The following SND1 variants were observed in gnomAD, a reference collection of about 807,000 sequenced individuals.
The protein encoded by SND1 is staphylococcal nuclease and tudor domain containing 1, also known as staphylococcal nuclease domain-containing protein 1.
Under a neutral mutation model 121.7 loss-of-function variants are expected in SND1, and 38 were observed. The ratio of observed to expected loss-of-function variants is 0.31; its 90% CI spans 0.24 to 0.41. The LOEUF (loss-of-function observed/expected upper bound fraction) is 0.41, where lower values mean the gene tolerates loss of function less well. Among genes scored for constraint, SND1 ranks in the 10% least tolerant of loss-of-function variants. The probability of loss-of-function intolerance (pLI) is 1.00; values close to 1 mark genes in which losing one functional copy is unlikely to be tolerated. For missense variants in SND1, 868 were observed against 1,184.6 expected, an observed-to-expected ratio of 0.73 and a Z score of 3.92; for synonymous variants, 401 against 447.4, an observed-to-expected ratio of 0.90 and a Z score of 1.31.
intron 1 of SND1, 68 bp from the exon 2 acceptor site, chr7:127,686,545 G>T: frequency 2.0e-6 from 3 of 1,530,016 alleles, no homozygotes; most frequent in Non-Finnish European, 2.7e-6. Context: ...GGATACGGTG[G>T]TACACAACCT....
chr7:127,799,041 T>A (rs904004734), intron 10 of SND1, among the ~76,000 whole-genome samples: 2 of 151,810 alleles, frequency 1.3e-5, no homozygotes, highest in Admixed American at 1.3e-4. Context: ...CGAGACTGTG[T>A]TAAAGAACAA....
chr7:127,974,615 C>T (rs182249097), intron 15 of SND1, among the ~76,000 whole-genome samples: 146 of 152,264 alleles, frequency 9.6e-4, no homozygotes, highest in African/African-American at 3.3e-3. Flanking sequence ...TAGGAGAATT[C>T]CCCTTCCAAA....
At chr7:127,978,563 G>T (rs537058947) in intron 15 of SND1, among the ~76,000 whole-genome samples, 29 of 152,182 alleles carry the variant, frequency 1.9e-4, no homozygotes, top group Non-Finnish European at 3.2e-4. Flanking sequence ...GACATTCATA[G>T]AACAGGGCTC....
chr7:127,919,853 G>C (rs779955395), intron 14 of SND1, among the ~76,000 whole-genome samples: 13 of 152,068 alleles, frequency 8.5e-5, no homozygotes, highest in Non-Finnish European at 1.3e-4. Context: ...TGGTGTATTT[G>C]ATATAAATTG....
intron 15 of SND1, among the ~76,000 whole-genome samples, chr7:127,943,804 A>ACTGTG (rs1239316579): frequency 2.6e-5 from 4 of 152,186 alleles, no homozygotes; most frequent in Admixed American, 2.6e-4. Context: ...TTGCTCCTTA[A>ACTGTG]CTGTGCTGAT....
chr7:127,661,726 G>A (rs1277125767), intron 1 of SND1, among the ~76,000 whole-genome samples: 2 of 152,092 alleles, frequency 1.3e-5, no homozygotes, highest in Non-Finnish European at 2.9e-5. Flanking sequence ...AGAGCGTTCA[G>A]GTGGATGTCA....
At chr7:127,700,183 ATCTC>A (rs1223742079) in intron 4 of SND1, among the ~76,000 whole-genome samples, 1 of 152,250 alleles carries the variant, frequency 6.6e-6, no homozygotes, top group Admixed American at 6.5e-5. Flanking sequence ...CAACAAATAA[ATCTC>A]CCCTGGAGTA....
At chr7:127,898,179 T>C (rs1357918423) in intron 13 of SND1, among the ~76,000 whole-genome samples, 1 of 152,130 alleles carries the variant, frequency 6.6e-6, no homozygotes. Context: ...CACAATAGCA[T>C]GTATCTTCAT....
At chr7:127,929,162 T>TA (rs1800910011) in intron 14 of SND1, 26 bp from the exon 15 acceptor site, 1 of 1,612,020 alleles carries the variant, frequency 6.2e-7, no homozygotes, top group African/African-American at 1.3e-5. Context: ...ACTTTCCAGT[T>TA]ACTCTTTTCC....
Position 127,652,284 on chromosome 7 carries a change from C to A in SND1, c.-90C>A. 2 of 1,108,248 alleles carry A rather than the reference C, an allele frequency of 1.8e-6. No homozygotes were observed. Among genetic ancestry groups the A allele is most frequent in the Non-Finnish European group, 2.7e-6 (2 of 742,984 alleles). The allele number at this position is 1,108,248 out of a possible 1,614,324, so 68.7% of individuals were successfully genotyped here. A position where few individuals can be genotyped will look rare whatever the true frequency, so the allele number is the denominator to read the frequency against. On this transcript the variant is annotated 5_prime_UTR_variant, in exon 1 of 24. Coordinates refer to ENST00000354725, the MANE Select transcript of SND1 (RefSeq NM_014390.4). ...CGCAGCTGGTAGCCAGCCTGCCCCT[C>A]GCCTCGACTCCCTTTCACCAACACC...
At chr7:127,708,173 A>G (rs967713967) in intron 9 of SND1, among the ~76,000 whole-genome samples, 5 of 152,132 alleles carry the variant, frequency 3.3e-5, no homozygotes, top group African/African-American at 4.8e-5. Flanking sequence ...ATTTTGCCCA[A>G]TTGTAGACTT....
chr7:127,817,863 C>A (rs2116597846), intron 11 of SND1, among the ~76,000 whole-genome samples: 1 of 151,608 alleles, frequency 6.6e-6, no homozygotes. Flanking sequence ...CCAGGTCTGA[C>A]CTTCCTCCCC....
intron 16 of SND1, among the ~76,000 whole-genome samples, chr7:128,063,536 T>TAGTA (rs1408602846): frequency 6.6e-6 from 1 of 152,176 alleles, no homozygotes; most frequent in African/African-American, 2.4e-5. Flanking sequence ...TACCCAAAGG[T>TAGTA]AGTATTCTGT....
chr7:127,796,814 A>T (rs1373767623), intron 10 of SND1, among the ~76,000 whole-genome samples: 1 of 151,562 alleles, frequency 6.6e-6, no homozygotes, highest in Non-Finnish European at 1.5e-5. Context: ...TCTGATTTTT[A>T]CAGTTTTGAA....
At chr7:127,867,622 A>G (rs1274852941) in intron 12 of SND1, among the ~76,000 whole-genome samples, 1 of 152,168 alleles carries the variant, frequency 6.6e-6, no homozygotes, top group African/African-American at 2.4e-5. Flanking sequence ...ACCTACTGGT[A>G]TATCAGGTTC....
At chr7:127,699,485 T>G (rs1796065257) in intron 4 of SND1, among the ~76,000 whole-genome samples, 1 of 152,222 alleles carries the variant, frequency 6.6e-6, no homozygotes, top group African/African-American at 2.4e-5. Flanking sequence ...AAGGCCTCAC[T>G]TGTTCTGTTT....
At chr7:127,861,078 A>G (rs922874387) in intron 12 of SND1, among the ~76,000 whole-genome samples, 8 of 152,228 alleles carry the variant, frequency 5.3e-5, no homozygotes, top group African/African-American at 1.9e-4. Context: ...GTATAACCCC[A>G]TTTATGACTC....
intron 16 of SND1, chr7:128,028,051 CT>C (rs1803530421): frequency 6.5e-6 from 1 of 152,748 alleles, no homozygotes; most frequent in South Asian, 2.1e-4. Context: ...GACTCAGCCC[CT>C]TTAAGGGTTC....
chr7:127,738,284 T>C (rs1453540531), intron 10 of SND1, among the ~76,000 whole-genome samples: 3 of 143,362 alleles, frequency 2.1e-5, no homozygotes, highest in Non-Finnish European at 3.2e-5. Context: ...TTTTTTTTTT[T>C]TCTTTTTTTT....
Sources: gnomAD v4.1 joint callset for allele counts (sites outside exome capture counted in the v4.1 genomes callset) on GRCh38, gnomAD v4.1.1 for gene constraint, MANE v1.5 for transcripts, NCBI Gene and HGNC (gene_info 2026-07-23, HGNC 2026-07-21) for gene names.